The following PEX5 variants were observed in gnomAD, a reference collection of about 807,000 sequenced individuals.
PEX5 encodes the protein peroxisomal biogenesis factor 5.
In PEX5, 52 loss-of-function variants were observed where a neutral mutation model predicts 82.9. The ratio of observed to expected loss-of-function variants is 0.63; its 90% confidence interval spans 0.50 to 0.79. PEX5 has a LOEUF of 0.79. Among genes scored for constraint, PEX5 ranks in the 30% least tolerant of loss-of-function variants. The pLI is 0.00. For synonymous variants in PEX5, 300 were observed against 318.8 expected, an observed-to-expected ratio of 0.94 and a Z score of 0.63; for missense variants, 719 against 815.2, an observed-to-expected ratio of 0.88 and a Z score of 1.44.
chr12:7,200,782 C>T (rs1014272442), intron 6 of PEX5, among the ~76,000 whole-genome samples: 2 of 150,760 alleles, frequency 1.3e-5, no homozygotes, highest in East Asian at 2.0e-4. Flanking sequence ...TGCAGGCACT[C>T]GGCAGGCTGA....
intron 10 of PEX5, among the ~76,000 whole-genome samples, chr12:7,206,034 A>G (rs1944718875): frequency 6.6e-6 from 1 of 152,248 alleles, no homozygotes; most frequent in Non-Finnish European, 1.5e-5. Context: ...TTTTATTAGG[A>G]AACTGCATTA....
chr12:7,205,231 T>C (rs1381764196), intron 10 of PEX5, among the ~76,000 whole-genome samples: 1 of 152,208 alleles, frequency 6.6e-6, no homozygotes, highest in Non-Finnish European at 1.5e-5. Context: ...ATTGATACTT[T>C]GGGATATTGC....
chr12:7,189,808 G>T (rs1235144839), intron 1 of PEX5, 58 bp downstream of exon 1: 1 of 814,746 alleles, frequency 1.2e-6, no homozygotes, highest in Non-Finnish European at 1.7e-6. Flanking sequence ...CCCCACCCTT[G>T]CGGTGGCCTC....
intron 5 of PEX5, among the ~76,000 whole-genome samples, chr12:7,198,169 C>T (rs1297450883): frequency 6.6e-6 from 1 of 152,112 alleles, no homozygotes; most frequent in Non-Finnish European, 1.5e-5. Context: ...TCCCCTTTGT[C>T]ACTAGAGCTT....
At chr12:7,188,784 C>T (rs1452821969), upstream of PEX5, 1 of 152,500 alleles carries the variant, frequency 6.6e-6, no homozygotes, top group Non-Finnish European at 1.5e-5. Context: ...CTCCATGACA[C>T]TAGGACTCCC....
chr12:7,217,479 G>A (rs1170485100), intron 17 of PEX5, among the ~76,000 whole-genome samples: 1 of 152,236 alleles, frequency 6.6e-6, no homozygotes, highest in Non-Finnish European at 1.5e-5. Flanking sequence ...CTCAGTAGGT[G>A]AGACGGCCTC....
chr12:7,193,243 T>A (rs1238368221), intron 5 of PEX5, among the ~76,000 whole-genome samples: 1 of 151,306 alleles, frequency 6.6e-6, no homozygotes, highest in Non-Finnish European at 1.5e-5. Flanking sequence ...TCTTTTTTTT[T>A]TTTTTTTTTT....
intron 10 of PEX5, among the ~76,000 whole-genome samples, chr12:7,205,053 T>C (rs776422970): frequency 6.6e-6 from 1 of 152,180 alleles, no homozygotes; most frequent in Non-Finnish European, 1.5e-5. Context: ...CCAAATGCAG[T>C]ACCCAAAACC....
intron 3 of PEX5, 75 bp downstream of exon 3, chr12:7,190,998 C>T (rs947395933): frequency 9.8e-6 from 14 of 1,430,018 alleles, no homozygotes; most frequent in Non-Finnish European, 1.2e-5. Context: ...TTAGTTCACC[C>T]GTATTTCAAT....
downstream of PEX5, among the ~76,000 whole-genome samples, chr12:7,213,485 CT>C (rs1945685526): frequency 7.9e-6 from 1 of 126,608 alleles, no homozygotes; most frequent in Admixed American, 8.5e-5. Flanking sequence ...AAAGGATTCC[CT>C]ATTTAATAAA....
chr12:7,203,115 G>T (rs369881978), intron 9 of PEX5, among the ~76,000 whole-genome samples: 1 of 150,758 alleles, frequency 6.6e-6, no homozygotes, highest in East Asian at 1.9e-4. Flanking sequence ...ATGAGATCAC[G>T]CCATTGCACT....
At chr12:7,191,021 C>T in intron 3 of PEX5, 98 bp downstream of exon 3, 1 of 1,289,886 alleles carries the variant, frequency 7.8e-7, no homozygotes, top group Non-Finnish European at 1.1e-6. Context: ...TTGGGCTTTC[C>T]TGACCGAATG....
chr12:7,202,733 C>T (rs61919597), intron 9 of PEX5, 29 bp downstream of exon 9: 1 of 1,497,746 alleles, frequency 6.7e-7, no homozygotes. Flanking sequence ...GGAGCAGACA[C>T]CCCAAAAGAA....
chr12:7,209,743 G>C lies in PEX5; in HGVS notation c.1621G>C (p.Ala541Pro), dbSNP rs1945297804. The change falls in exon 15 of 16, where the codon GCA (alanine) becomes CCA (proline). Residue 541 changes from alanine (A) to proline (P), a missense_variant. Ala to Pro is a conservative substitution (Grantham distance 27). Transcript: ENST00000675855. Reference protein sequence around the residue: ...TLANGNQSEEAVAAYRRALEL... With the variant: ...TLANGNQSEEPVAAYRRALEL... ...GGCCAATGGAAACCAGAGTGAAGAA[G>C]CAGTAGCTGCGTACCGCCGGGCCCT... 1 of 1,499,614 alleles carries C rather than the reference G, an allele frequency of 6.7e-7. No homozygotes were observed. The highest frequency in any genetic ancestry group is 1.8e-5 in the African/African-American group (1 of 55,142). 92.9% of individuals were successfully genotyped at this position (1,499,614 alleles called of 1,614,324 possible).
chr12:7,215,964 AT>A (rs1471107462), downstream of PEX5, among the ~76,000 whole-genome samples: 1 of 151,728 alleles, frequency 6.6e-6, no homozygotes, highest in Non-Finnish European at 1.5e-5. Context: ...TATTAATTAA[AT>A]TAAAAAAAAA....
intron 17 of PEX5, chr12:7,218,330 T>G (rs1437595727): frequency 1.3e-5 from 2 of 152,224 alleles, no homozygotes; most frequent in African/African-American, 4.8e-5. Context: ...CAAACTATTC[T>G]AGGTCAAAGT....
In PEX5 at chr12:7,204,123, G is replaced by A. The variant is rs1043612160; in HGVS notation, c.966+572G>A. On this transcript the variant is annotated intron_variant, in intron 10 of 15. Coordinates refer to ENST00000675855, the MANE Select transcript of PEX5 (RefSeq NM_001351132.2). ...TATAGCATGTGCTGTTGACTTAGAA[G>A]CATATGTTACTTCTGGGGTCTTACT... Among the ~76,000 whole-genome samples the A allele has an allele frequency of 2.0e-4, 31 of 152,190 alleles. 1 individual carries two copies. Among genetic ancestry groups the A allele is most frequent in the Non-Finnish European group, 1.2e-4 (8 of 68,036 alleles).
At chr12:7,190,846 A>C (rs771017157) in intron 2 of PEX5, 42 bp from the exon 3 acceptor site, 1 of 1,595,930 alleles carries the variant, frequency 6.3e-7, no homozygotes, top group East Asian at 2.2e-5. Flanking sequence ...CCCTGATTTT[A>C]GAGGAACTGC....
In PEX5 at chr12:7,197,663, T is replaced by A. The variant is rs189880011; in HGVS notation, c.449-1348T>A. ...TTCATGCTCAGATTTTGAGACTACT[T>A]TGTTGACATTATTCAGGCAAAGTTT... On this transcript the variant is annotated intron_variant, in intron 5 of 15. Transcript: ENST00000675855. Among the ~76,000 whole-genome samples, 324 of 151,930 alleles carry A rather than the reference T, an allele frequency of 2.1e-3. 2 individuals carry two copies. The highest frequency in any genetic ancestry group is 7.6e-3 in the African/African-American group (314 of 41,452).
Sources: gnomAD v4.1 joint callset for allele counts (sites outside exome capture counted in the v4.1 genomes callset) on GRCh38, gnomAD v4.1.1 for gene constraint, MANE v1.5 for transcripts, NCBI Gene and HGNC (gene_info 2026-07-23, HGNC 2026-07-21) for gene names.